ZFAND4: variants seen among roughly 807,000 people sequenced by gnomAD.
The protein encoded by ZFAND4 is zinc finger AN1-type containing 4, also known as AN1-type zinc finger protein 4.
ZFAND4 carries 43 observed loss-of-function variants against 64.4 expected under a neutral mutation model. That is an observed-to-expected ratio of 0.67 (90% CI 0.52 to 0.86). The LOEUF is 0.86. Ranked by LOEUF, ZFAND4 falls within the 40% of genes least tolerant of loss-of-function variation. ZFAND4 has a pLI of 0.00. For synonymous variants in ZFAND4, 296 were observed against 305.7 expected (o/e 0.97, Z 0.33); for missense variants, 929 against 859.8 (o/e 1.08, Z -1.01).
intron 2 of ZFAND4, among the ~76,000 whole-genome samples, chr10:45,656,987 T>A (rs1245923520): frequency 3.3e-5 from 5 of 151,974 alleles, no homozygotes; most frequent in Non-Finnish European, 7.4e-5. Context: ...ACATCCAATC[T>A]ATGGTATTCT....
chr10:45,631,262 C>T (rs1040843605), intron 6 of ZFAND4, among the ~76,000 whole-genome samples: 9 of 148,080 alleles, frequency 6.1e-5, no homozygotes, highest in African/African-American at 2.0e-4. Flanking sequence ...GCTTGCAGTG[C>T]GCCGAGATCA....
intron 2 of ZFAND4, among the ~76,000 whole-genome samples, chr10:45,660,701 C>T (rs550569339): frequency 5.9e-5 from 9 of 151,940 alleles, no homozygotes; most frequent in Non-Finnish European, 1.3e-4. Context: ...TAAAGAGAAG[C>T]AAAGATAATT....
intron 6 of ZFAND4, among the ~76,000 whole-genome samples, chr10:45,638,760 T>G (rs78230012): frequency 6.6e-6 from 1 of 152,072 alleles, no homozygotes; most frequent in African/African-American, 2.4e-5. Flanking sequence ...CACAGTACAA[T>G]AGTACACAAC....
At chr10:45,622,485 G>A (rs946128696) in intron 8 of ZFAND4, among the ~76,000 whole-genome samples, 4 of 152,184 alleles carry the variant, frequency 2.6e-5, no homozygotes, top group African/African-American at 9.6e-5. Flanking sequence ...GGAGAAAATA[G>A]ACAAACTGGA....
chr10:45,629,371 T>C (rs534110625), intron 6 of ZFAND4, among the ~76,000 whole-genome samples: 95 of 152,212 alleles, frequency 6.2e-4, no homozygotes, highest in African/African-American at 2.2e-3. Flanking sequence ...ATTAAAGTTG[T>C]TCAGGATAAA....
At chr10:45,629,195 T>A (rs1345717241) in intron 6 of ZFAND4, among the ~76,000 whole-genome samples, 1 of 152,102 alleles carries the variant, frequency 6.6e-6, no homozygotes, top group African/African-American at 2.4e-5. Context: ...TCCGAGCAGC[T>A]GGGACTACAG....
chr10:45,618,109 G>T, intron 9 of ZFAND4, 31 bp downstream of exon 9: 1 of 1,589,144 alleles, frequency 6.3e-7, no homozygotes, highest in Admixed American at 1.9e-5. Flanking sequence ...CACAGAGAAA[G>T]CATCTGAGCT....
Position 45,626,925 on chromosome 10 carries a change from C to A in ZFAND4, c.898G>T (p.Ala300Ser), listed in dbSNP as rs144676729. Reference sequence around the variant, plus strand: ...TATCTCTCAGCAGAGAGTTGAGTTGCCAAACTTGAAATTCCATTCCTGGAG... The same window carrying A: ...TATCTCTCAGCAGAGAGTTGAGTTGACAAACTTGAAATTCCATTCCTGGAG... ...EISRNGISSL[A>S]TQLSAERYIS... The change falls in exon 7 of 10, where the codon GCA becomes TCA. Residue 300 changes from alanine (A) to serine (S), a missense_variant. By Grantham distance (99) the Ala-to-Ser change is moderately conservative. Transcript: ENST00000344646. The A allele has an allele frequency of 1.9e-6, 3 of 1,614,162 alleles. No individual in the cohort carries two copies. The highest frequency in any genetic ancestry group is 2.5e-6 in the Non-Finnish European group (3 of 1,180,022).
At chr10:45,662,445 A>G (rs893884421) in intron 2 of ZFAND4, 1 of 268,172 alleles carries the variant, frequency 3.7e-6, no homozygotes, top group South Asian at 1.4e-4. Flanking sequence ...AATTCATGAA[A>G]GAGATAAAAA....
At chr10:45,656,633 C>T (rs990090370) in intron 2 of ZFAND4, among the ~76,000 whole-genome samples, 2 of 150,718 alleles carry the variant, frequency 1.3e-5, no homozygotes, top group South Asian at 2.1e-4. Context: ...TTTGAAAAGA[C>T]GCTTCACCAA....
At chr10:45,636,375 C>A (rs915390105) in intron 6 of ZFAND4, among the ~76,000 whole-genome samples, 1 of 152,136 alleles carries the variant, frequency 6.6e-6, no homozygotes, top group Admixed American at 6.5e-5. Context: ...GTGACTCATA[C>A]CTGTAATCCC....
chr10:45,668,406 C>T (rs1312799201), intron 1 of ZFAND4, among the ~76,000 whole-genome samples: 6 of 152,202 alleles, frequency 3.9e-5, no homozygotes, highest in Admixed American at 3.9e-4. Context: ...AAGGAACAAC[C>T]GGTACCAGCC....
At chr10:45,648,702 C>T (rs1564609781) in intron 4 of ZFAND4, among the ~76,000 whole-genome samples, 168 bp from the exon 5 acceptor site, 1 of 152,028 alleles carries the variant, frequency 6.6e-6, no homozygotes, top group Non-Finnish European at 1.5e-5. Context: ...ATATAGCATT[C>T]CCTATGTTAT....
chr10:45,634,903 A>G (rs957906599), intron 6 of ZFAND4, among the ~76,000 whole-genome samples: 1 of 152,130 alleles, frequency 6.6e-6, no homozygotes, highest in African/African-American at 2.4e-5. Context: ...CATTTACAAT[A>G]GCTACAAATA....
At chr10:45,653,584 A>G (rs1420832335) in intron 2 of ZFAND4, among the ~76,000 whole-genome samples, 2 of 152,210 alleles carry the variant, frequency 1.3e-5, no homozygotes, top group Non-Finnish European at 1.5e-5. Context: ...AACATTACTA[A>G]TCATTAGACA....
chr10:45,661,651 T>C (rs17696011), intron 2 of ZFAND4, among the ~76,000 whole-genome samples: 4,438 of 152,210 alleles, frequency 0.029, 80 homozygotes, highest in East Asian at 0.053. Context: ...GCTTAAAATG[T>C]GTTTTTCAGC....
intron 5 of ZFAND4, among the ~76,000 whole-genome samples, chr10:45,647,209 A>G (rs1270115585): frequency 2.0e-5 from 3 of 152,192 alleles, no homozygotes; most frequent in Non-Finnish European, 4.4e-5. Flanking sequence ...GCCTCTAGTC[A>G]ATAGCCAGCA....
intron 6 of ZFAND4, among the ~76,000 whole-genome samples, chr10:45,634,353 T>A (rs945281616): frequency 6.6e-6 from 1 of 151,914 alleles, no homozygotes; most frequent in Non-Finnish European, 1.5e-5. Context: ...TGAAACCCCA[T>A]CTCTATTAAA....
intron 8 of ZFAND4, among the ~76,000 whole-genome samples, chr10:45,618,704 C>T (rs778592259): frequency 4.6e-5 from 7 of 152,190 alleles, no homozygotes; most frequent in South Asian, 4.1e-4. Context: ...AGTCCTATTA[C>T]ACCACTGACA....
Sources: gnomAD v4.1 joint callset for allele counts (sites outside exome capture counted in the v4.1 genomes callset) on GRCh38, gnomAD v4.1.1 for gene constraint, MANE v1.5 for transcripts, NCBI Gene and HGNC (gene_info 2026-07-23, HGNC 2026-07-21) for gene names.